The following PRORP variants were observed in gnomAD, a reference collection of about 807,000 sequenced individuals.
PRORP encodes mitochondrial ribonuclease P catalytic subunit.
In PRORP, 51 loss-of-function variants were observed where a neutral mutation model predicts 59.4. That is an observed-to-expected ratio of 0.86 (90% confidence interval 0.69 to 1.08). The LOEUF (loss-of-function observed/expected upper bound fraction) is 1.08. Among genes scored for constraint, PRORP ranks in the 50% least tolerant of loss-of-function variants. The pLI is 0.00. For missense variants in PRORP, 646 were observed against 690.3 expected (o/e 0.94, Z 0.72); for synonymous variants, 231 against 245.6 (o/e 0.94, Z 0.55).
At position 35,239,333 on chromosome 14, in the gene PRORP, G is replaced by A. The variant is rs151162106; in HGVS notation, c.1276-27394G>A. ...ACCGCACTCCAGCCTGGGTGACAGA[G>A]TAAGACTCCGTCTCAAGAAAAAAAA... On this transcript the variant is annotated intron_variant, in intron 5 of 7. Coordinates refer to ENST00000534898, the MANE Select transcript of PRORP (RefSeq NM_014672.4). Among the ~76,000 whole-genome samples, 725 of 148,454 alleles carry A rather than the reference G, an allele frequency of 4.9e-3. 39 individuals carry two copies. In the East Asian group the frequency reaches 0.12, roughly 25 times the overall value.
At chr14:35,127,262 G>A (rs1259644525) in intron 3 of PRORP, among the ~76,000 whole-genome samples, 1 of 151,484 alleles carries the variant, frequency 6.6e-6, no homozygotes, top group African/African-American at 2.4e-5. Context: ...AAAAAAAAAA[G>A]TCATCCAAAC....
chr14:35,123,136 A>G lies in PRORP; in HGVS notation c.-110A>G. 8.9e-7 allele frequency: 1 copy of G among 1,120,294 alleles called. No homozygotes were observed. Among genetic ancestry groups the G allele is most frequent in the Non-Finnish European group, 1.3e-6 (1 of 790,904 alleles). 69.4% of individuals were successfully genotyped at this position (1,120,294 alleles called of 1,614,324 possible). ...TAAGGAAGAAACACAAACCTTTTAA[A>G]AAGTTCCACTTCGACTCTGCACCGC... On this transcript the variant is annotated 5_prime_UTR_variant, in exon 2 of 8. Coordinates refer to ENST00000534898, the MANE Select transcript of PRORP (RefSeq NM_014672.4).
chr14:35,202,045 C>T (rs2049167903), intron 5 of PRORP, among the ~76,000 whole-genome samples: 1 of 150,892 alleles, frequency 6.6e-6, no homozygotes. Flanking sequence ...TCTCGGCTCA[C>T]TGCAAGCTCC....
intron 5 of PRORP, among the ~76,000 whole-genome samples, chr14:35,204,194 T>G (rs2049232525): frequency 6.6e-6 from 1 of 152,192 alleles, no homozygotes; most frequent in Non-Finnish European, 1.5e-5. Flanking sequence ...GAGGTGATAC[T>G]CATGTCACAT....
chr14:35,199,332 T>TAAA (rs1167921225), intron 5 of PRORP, among the ~76,000 whole-genome samples: 2 of 107,106 alleles, frequency 1.9e-5, no homozygotes, highest in East Asian at 2.6e-4. Context: ...AGACTCCATC[T>TAAA]AAAAAAAAAA....
intron 6 of PRORP, among the ~76,000 whole-genome samples, chr14:35,269,220 C>T (rs2051124960): frequency 6.6e-6 from 1 of 152,154 alleles, no homozygotes; most frequent in African/African-American, 2.4e-5. Context: ...GTGTAAATAA[C>T]TCATGTAAAA....
chr14:35,177,056 G>A (rs147564021), intron 4 of PRORP, among the ~76,000 whole-genome samples: 19,040 of 152,126 alleles, frequency 0.13, 1,450 homozygotes, highest in Non-Finnish European at 0.16. Flanking sequence ...ATTGATTTGC[G>A]TATGTTGAAC....
At chr14:35,156,737 GC>G (rs1157722431) in intron 4 of PRORP, among the ~76,000 whole-genome samples, 17 of 152,132 alleles carry the variant, frequency 1.1e-4, no homozygotes, top group Non-Finnish European at 1.9e-4. Context: ...AGAAAAATAG[GC>G]AGAGGGTGTT....
chr14:35,126,639 A>G (rs1219132727), intron 2 of PRORP, 96 bp from the exon 3 acceptor site: 28 of 912,350 alleles, frequency 3.1e-5, no homozygotes, highest in Non-Finnish European at 4.6e-5. Context: ...AACTTTTCGG[A>G]CTTCTTGCTT....
chr14:35,264,737 T>C (rs963716031), intron 5 of PRORP, among the ~76,000 whole-genome samples: 1 of 152,096 alleles, frequency 6.6e-6, no homozygotes, highest in Non-Finnish European at 1.5e-5. Flanking sequence ...TCCCAACACT[T>C]TGGGAGCCGA....
intron 5 of PRORP, among the ~76,000 whole-genome samples, chr14:35,217,250 C>T (rs570252258): frequency 2.9e-3 from 442 of 152,092 alleles, no homozygotes; most frequent in Non-Finnish European, 5.2e-3. Context: ...CCTGTAATCC[C>T]AGCACTTTGG....
At chr14:35,177,280 C>A (rs1489637836) in intron 4 of PRORP, among the ~76,000 whole-genome samples, 1 of 151,990 alleles carries the variant, frequency 6.6e-6, no homozygotes, top group Non-Finnish European at 1.5e-5. Flanking sequence ...GGAGGATTCC[C>A]TCTTTTTCTA....
chr14:35,189,234 T>C (rs1420423260), intron 5 of PRORP, among the ~76,000 whole-genome samples: 1 of 152,082 alleles, frequency 6.6e-6, no homozygotes, highest in Non-Finnish European at 1.5e-5. Flanking sequence ...TTGCTTAAAG[T>C]ATTTTTGTTG....
intron 5 of PRORP, among the ~76,000 whole-genome samples, chr14:35,217,024 T>C (rs2049616414): frequency 6.6e-6 from 1 of 152,224 alleles, no homozygotes; most frequent in Non-Finnish European, 1.5e-5. Context: ...ATTGTAAGAG[T>C]TCTTTATGCA....
At chr14:35,266,954 T>C (rs2051057796) in intron 6 of PRORP, 79 bp downstream of exon 6, 2 of 1,427,544 alleles carry the variant, frequency 1.4e-6, no homozygotes, top group African/African-American at 2.9e-5. Context: ...TTTAAACCTA[T>C]CTTTTAAATG....
intron 5 of PRORP, among the ~76,000 whole-genome samples, chr14:35,265,739 T>G (rs2051019980): frequency 6.6e-6 from 1 of 152,158 alleles, no homozygotes; most frequent in Non-Finnish European, 1.5e-5. Context: ...AATCAAAACT[T>G]ATGTAGAATA....
At chr14:35,131,216 T>A (rs190781676) in intron 4 of PRORP, among the ~76,000 whole-genome samples, 98 of 152,306 alleles carry the variant, frequency 6.4e-4, no homozygotes, top group East Asian at 2.5e-3. Flanking sequence ...GTGCTGGAAT[T>A]ACAGGCATGA....
chr14:35,169,760 G>A (rs2048270189), intron 4 of PRORP, among the ~76,000 whole-genome samples: 1 of 152,184 alleles, frequency 6.6e-6, no homozygotes, highest in Non-Finnish European at 1.5e-5. Flanking sequence ...CCATATCAAT[G>A]GCCTACTTGT....
In PRORP at chr14:35,123,572, G is replaced by A. The variant is rs1162559518; in HGVS notation, c.327G>A (p.Arg109=). 1 of 1,614,170 alleles carries A rather than the reference G, an allele frequency of 6.2e-7. No homozygotes were observed. Among genetic ancestry groups the A allele is most frequent in the Admixed American group, 1.7e-5 (1 of 60,018 alleles). ...AAGATCATGCCTTGGCACCTGTGAG[G>A]AACACTATTCAACTCCCAACACAAC... The part of the protein sequence containing the change: ...QTEDHALAPV[R]NTIQLPTQPL... Residue 109 remains arginine (R), a synonymous_variant, in exon 2 of 8, where the codon AGG becomes AGA. Transcript: ENST00000534898.
Sources: gnomAD v4.1 joint callset for allele counts (sites outside exome capture counted in the v4.1 genomes callset) on GRCh38, gnomAD v4.1.1 for gene constraint, MANE v1.5 for transcripts, NCBI Gene and HGNC (gene_info 2026-07-23, HGNC 2026-07-21) for gene names.